The following MYL12B variants were observed in gnomAD, a reference collection of about 807,000 sequenced individuals.
The protein encoded by MYL12B is myosin regulatory light chain 12B.
Under a neutral mutation model 12.9 loss-of-function variants are expected in MYL12B, and 3 were observed. That is an observed-to-expected ratio of 0.23 (90% CI 0.11 to 0.60). The LOEUF (loss-of-function observed/expected upper bound fraction) is 0.60, where lower values mean the gene tolerates loss of function less well. MYL12B is among the 20% of genes least tolerant of loss of function. The probability of loss-of-function intolerance (pLI) is 0.89; values close to 1 mark genes in which losing one functional copy is unlikely to be tolerated. For missense variants in MYL12B, 120 were observed against 215.4 expected, an observed-to-expected ratio of 0.56 and a Z score of 2.77; for synonymous variants, 57 against 71.9, an observed-to-expected ratio of 0.79 and a Z score of 1.05.
At chr18:3,272,007 T>C (rs2081683223) in intron 1 of MYL12B, 2 of 954,566 alleles carry the variant, frequency 2.1e-6, no homozygotes, top group Non-Finnish European at 2.5e-6. Context: ...CTGGGCAATA[T>C]AGTGAGAAAC....
At chr18:3,269,302 C>T (rs761491334) in intron 1 of MYL12B, among the ~76,000 whole-genome samples, 2 of 151,982 alleles carry the variant, frequency 1.3e-5, no homozygotes, top group Non-Finnish European at 2.9e-5. Context: ...TTGAGAGAGC[C>T]GAGAGGCAAG....
chr18:3,276,078 A>G (rs894261875), intron 2 of MYL12B, among the ~76,000 whole-genome samples: 1 of 151,982 alleles, frequency 6.6e-6, no homozygotes, highest in Non-Finnish European at 1.5e-5. Context: ...TTAGATATGA[A>G]TATCTGACTA....
At chr18:3,271,880 A>G (rs1447269706) in intron 1 of MYL12B, among the ~76,000 whole-genome samples, 3 of 151,860 alleles carry the variant, frequency 2.0e-5, no homozygotes, top group Non-Finnish European at 2.9e-5. Context: ...TACCAAAGCC[A>G]TATTACGGAG....
At chr18:3,277,463 A>C in intron 3 of MYL12B, 49 bp downstream of exon 3, 2 of 1,562,144 alleles carry the variant, frequency 1.3e-6, no homozygotes, top group Non-Finnish European at 1.7e-6. Flanking sequence ...TATATAAAGT[A>C]CTTCTGTGAA....
At chr18:3,270,299 T>C (rs2081667004) in intron 1 of MYL12B, among the ~76,000 whole-genome samples, 1 of 152,240 alleles carries the variant, frequency 6.6e-6, no homozygotes, top group African/African-American at 2.4e-5. Context: ...CGTATACAAA[T>C]GTACCACTGT....
intron 1 of MYL12B, among the ~76,000 whole-genome samples, chr18:3,266,281 C>A (rs573625380): frequency 6.6e-6 from 1 of 152,214 alleles, no homozygotes; most frequent in Admixed American, 6.5e-5. Context: ...ATCCTCAGTT[C>A]CCTGCCACAT....
At chr18:3,265,040 G>C (rs2081625569) in intron 1 of MYL12B, among the ~76,000 whole-genome samples, 1 of 152,144 alleles carries the variant, frequency 6.6e-6, no homozygotes. Context: ...CTATAATAGA[G>C]AAAGAAATGT....
chr18:3,269,864 A>G (rs2081663211), intron 1 of MYL12B, among the ~76,000 whole-genome samples: 1 of 152,224 alleles, frequency 6.6e-6, no homozygotes, highest in African/African-American at 2.4e-5. Context: ...ATTTTACATA[A>G]TCAGTCTTTC....
At chr18:3,274,750 A>C (rs1290334725) in intron 2 of MYL12B, among the ~76,000 whole-genome samples, 1 of 152,254 alleles carries the variant, frequency 6.6e-6, no homozygotes, top group African/African-American at 2.4e-5. Flanking sequence ...GCTAGGTTAT[A>C]ATTCATTCAC....
intron 1 of MYL12B, 106 bp from the exon 2 acceptor site, chr18:3,272,778 C>A: frequency 9.8e-7 from 1 of 1,015,488 alleles, no homozygotes; most frequent in Non-Finnish European, 1.4e-6. Flanking sequence ...AGTAATAATT[C>A]CTTATTGATA....
intron 1 of MYL12B, among the ~76,000 whole-genome samples, chr18:3,271,286 T>C (rs2144359613): frequency 6.6e-6 from 1 of 152,350 alleles, no homozygotes; most frequent in Middle Eastern, 3.4e-3. Flanking sequence ...AATTAACATT[T>C]ATTTAGGACT....
At chr18:3,267,882 T>C (rs923969000) in intron 1 of MYL12B, among the ~76,000 whole-genome samples, 1 of 152,244 alleles carries the variant, frequency 6.6e-6, no homozygotes, top group East Asian at 1.9e-4. Flanking sequence ...TGGCATAGTA[T>C]TTGCATATAA....
chr18:3,271,043 T>C (rs781755190), intron 1 of MYL12B, among the ~76,000 whole-genome samples: 14 of 152,220 alleles, frequency 9.2e-5, no homozygotes, highest in Non-Finnish European at 1.3e-4. Flanking sequence ...CAAAAATTAC[T>C]TGCTGATACT....
At chr18:3,273,562 C>G (rs1028220435) in intron 2 of MYL12B, among the ~76,000 whole-genome samples, 1 of 151,774 alleles carries the variant, frequency 6.6e-6, no homozygotes, top group Non-Finnish European at 1.5e-5. Context: ...TGTAAAGATA[C>G]AGGATTTAAA....
At chr18:3,273,927 T>C (rs898232835) in intron 2 of MYL12B, among the ~76,000 whole-genome samples, 5 of 152,054 alleles carry the variant, frequency 3.3e-5, no homozygotes, top group African/African-American at 1.2e-4. Context: ...TTTTGATTAT[T>C]TCTCCTAACA....
intron 2 of MYL12B, chr18:3,276,476 A>C (rs964411300): frequency 1.0e-6 from 1 of 984,526 alleles, no homozygotes; most frequent in Non-Finnish European, 1.2e-6. Context: ...AATGGAGATT[A>C]AGATTTCCCA....
intron 1 of MYL12B, among the ~76,000 whole-genome samples, chr18:3,269,891 A>C (rs7235559): frequency 0.95 from 144,997 of 152,264 alleles, 69,120 homozygotes; most frequent in Non-Finnish European, 0.98. Flanking sequence ...AATGCTTAGC[A>C]GTCTTCCTGA....
chr18:3,263,845 G>A (rs972305348), intron 1 of MYL12B, among the ~76,000 whole-genome samples: 7 of 152,188 alleles, frequency 4.6e-5, no homozygotes, highest in African/African-American at 1.4e-4. Context: ...ACTGGCTAGT[G>A]GTTCAAGCTC....
At position 3,278,167 on chromosome 18, in the gene MYL12B, C is replaced by A; in HGVS notation, c.*230C>A. 1 of 387,166 alleles carries A rather than the reference C, an allele frequency of 2.6e-6. No individual in the cohort carries two copies. Among genetic ancestry groups the A allele is most frequent in the Non-Finnish European group, 4.6e-6 (1 of 219,260 alleles). 24.0% of individuals were successfully genotyped at this position (387,166 alleles called of 1,614,324 possible). ...GAAAAAGATCGCGAATAAAAATCAA[C>A]AAATGTGAAAGCCCAGAAAAATATA... is the stretch of plus-strand genomic sequence containing the variant. On this transcript the variant is annotated 3_prime_UTR_variant, in exon 4 of 4. Coordinates refer to ENST00000237500, the MANE Select transcript of MYL12B (RefSeq NM_033546.4).
Sources: gnomAD v4.1 joint callset for allele counts (sites outside exome capture counted in the v4.1 genomes callset) on GRCh38, gnomAD v4.1.1 for gene constraint, MANE v1.5 for transcripts, NCBI Gene and HGNC (gene_info 2026-07-23, HGNC 2026-07-21) for gene names.